Variants in LAMA2 observed in about 807,000 individuals in gnomAD.
LAMA2 encodes laminin subunit alpha-2.
A neutral mutation model predicts 364.8 loss-of-function variants in LAMA2; 269 were observed. The observed-to-expected ratio is 0.74, with a 90% CI of 0.67 to 0.82. The LOEUF is 0.82. Ranked by LOEUF, LAMA2 falls within the 40% of genes least tolerant of loss-of-function variation. The pLI, the probability that LAMA2 is intolerant of heterozygous loss-of-function variation, is 0.00. For synonymous variants in LAMA2, 1,379 were observed against 1,370.6 expected, an observed-to-expected ratio of 1.01 and a Z score of -0.14; for missense variants, 3,807 against 3,873.2, an observed-to-expected ratio of 0.98 and a Z score of 0.45.
At chr6:129,349,679 GAATA>G (rs1776752370) in intron 31 of LAMA2, among the ~76,000 whole-genome samples, 1 of 150,790 alleles carries the variant, frequency 6.6e-6, no homozygotes. Flanking sequence ...CATTTCATAA[GAATA>G]AATCAATTTT....
intron 62 of LAMA2, among the ~76,000 whole-genome samples, chr6:129,508,697 A>T (rs1786313514): frequency 6.6e-6 from 1 of 152,092 alleles, no homozygotes; most frequent in Non-Finnish European, 1.5e-5. Flanking sequence ...AGATGATAGG[A>T]TCTCATTCTT....
At chr6:129,300,233 G>A (rs1773465381) in intron 21 of LAMA2, among the ~76,000 whole-genome samples, 1 of 152,050 alleles carries the variant, frequency 6.6e-6, no homozygotes, top group South Asian at 2.1e-4. Context: ...TTGCAAAATT[G>A]GATTATTCTG....
At chr6:129,175,843 TA>T (rs1220551118) in intron 9 of LAMA2, among the ~76,000 whole-genome samples, 6 of 151,990 alleles carry the variant, frequency 3.9e-5, no homozygotes, top group African/African-American at 9.7e-5. Context: ...AGTATAATAA[TA>T]AAAAAAATTA....
In LAMA2 at chr6:129,456,322, C is replaced by A. The variant is rs375474916; in HGVS notation, c.6708-13C>A. 1 of 1,612,074 alleles carries A rather than the reference C, an allele frequency of 6.2e-7. No homozygotes were observed. On this transcript the variant is annotated splice_polypyrimidine_tract_variant and intron_variant, in intron 47 of 64. Coordinates refer to ENST00000421865, the MANE Select transcript of LAMA2 (RefSeq NM_000426.4). ...TATGTTCCTCCCCTTCACTTCAACA[C>A]GTACCCTTGAAGAACTGGGAGAAAT... is the stretch of plus-strand genomic sequence containing the variant.
At chr6:129,439,753 T>C (rs1175583927) in intron 42 of LAMA2, among the ~76,000 whole-genome samples, 2 of 150,942 alleles carry the variant, frequency 1.3e-5, no homozygotes, top group Non-Finnish European at 3.0e-5. Context: ...TTAATATACT[T>C]ATGTTAAGTG....
intron 1 of LAMA2, among the ~76,000 whole-genome samples, chr6:128,991,755 C>G (rs1045788884): frequency 2.0e-5 from 3 of 152,138 alleles, no homozygotes; most frequent in African/African-American, 7.2e-5. Flanking sequence ...TCTAGGCAAA[C>G]TAACCATTCA....
intron 12 of LAMA2, among the ~76,000 whole-genome samples, chr6:129,208,710 AAAG>A (rs1198913915): frequency 4.8e-5 from 6 of 123,768 alleles, no homozygotes; most frequent in African/African-American, 1.9e-4. Flanking sequence ...GAAGGAAGGA[AAAG>A]GGAGGGAGGG....
chr6:129,234,456 A>T (rs1326145731), intron 12 of LAMA2, among the ~76,000 whole-genome samples: 1 of 152,200 alleles, frequency 6.6e-6, no homozygotes, highest in Non-Finnish European at 1.5e-5. Flanking sequence ...GGATGTTCAA[A>T]GTATAACAAA....
At chr6:129,283,443 ATCT>A (rs1164535084) in intron 18 of LAMA2, among the ~76,000 whole-genome samples, 1 of 151,962 alleles carries the variant, frequency 6.6e-6, no homozygotes, top group East Asian at 1.9e-4. Context: ...AGGCAAGTTC[ATCT>A]GGTGGATTCT....
At chr6:129,490,208 C>A (rs1480487838) in intron 56 of LAMA2, among the ~76,000 whole-genome samples, 2 of 152,170 alleles carry the variant, frequency 1.3e-5, no homozygotes, top group Non-Finnish European at 2.9e-5. Flanking sequence ...TCAGGGCAAT[C>A]CCTTAATTAA....
At chr6:129,486,690 A>C in intron 56 of LAMA2, 68 bp downstream of exon 56, 1 of 1,412,928 alleles carries the variant, frequency 7.1e-7, no homozygotes, top group Non-Finnish European at 1.0e-6. Context: ...ATCGGTATCT[A>C]TCAGTATCTG....
chr6:129,455,653 A>T (rs1782924221), intron 47 of LAMA2, among the ~76,000 whole-genome samples: 7 of 152,192 alleles, frequency 4.6e-5, no homozygotes, highest in Admixed American at 4.6e-4. Context: ...AATCACTTAA[A>T]AAAGAAAATG....
At chr6:128,911,222 GC>G (rs1777916205) in intron 1 of LAMA2, among the ~76,000 whole-genome samples, 2 of 152,128 alleles carry the variant, frequency 1.3e-5, no homozygotes, top group Admixed American at 1.3e-4. Flanking sequence ...AATGGCAGAC[GC>G]CCCTCCCCCA....
intron 1 of LAMA2, among the ~76,000 whole-genome samples, chr6:128,956,120 G>A (rs1216221059): frequency 6.6e-6 from 1 of 151,928 alleles, no homozygotes; most frequent in Non-Finnish European, 1.5e-5. Flanking sequence ...ATGCCATGTG[G>A]TATATGGAGC....
At chr6:129,429,182 C>T (rs901913691) in intron 41 of LAMA2, among the ~76,000 whole-genome samples, 2 of 152,208 alleles carry the variant, frequency 1.3e-5, no homozygotes, top group Non-Finnish European at 2.9e-5. Flanking sequence ...CATGCCCCCT[C>T]TCTGGTATAG....
chr6:129,027,120 T>G (rs1485536760), intron 1 of LAMA2, among the ~76,000 whole-genome samples: 1 of 152,040 alleles, frequency 6.6e-6, no homozygotes, highest in Non-Finnish European at 1.5e-5. Flanking sequence ...ATGAACAAAC[T>G]TTGAGAACAG....
chr6:129,147,051 A>G lies in LAMA2; in HGVS notation c.909+3A>G. 1.3e-6 allele frequency: 2 copies of G among 1,579,360 alleles called. No homozygotes were observed. The highest frequency in any genetic ancestry group is 1.3e-5 in the African/African-American group (1 of 74,268). On this transcript the variant is annotated splice_donor_region_variant and intron_variant, in intron 6 of 64. Coordinates refer to ENST00000421865, the MANE Select transcript of LAMA2 (RefSeq NM_000426.4). ...GTCCACTTGATCCAGCGACAAATGT[A>G]TGTATATTTATAGGATGCTTAGGCA... is the stretch of plus-strand genomic sequence containing the variant.
At chr6:129,431,667 A>T (rs1232424556) in intron 41 of LAMA2, among the ~76,000 whole-genome samples, 1 of 152,140 alleles carries the variant, frequency 6.6e-6, no homozygotes, top group African/African-American at 2.4e-5. Flanking sequence ...TTTATAAACT[A>T]AAAAAAGAAT....
chr6:129,192,876 C>G, intron 12 of LAMA2, 23 bp downstream of exon 12: 1 of 1,609,568 alleles, frequency 6.2e-7, no homozygotes. Flanking sequence ...TTGCTTCCCG[C>G]TATTCTGCTT....
Sources: gnomAD v4.1 joint callset for allele counts (sites outside exome capture counted in the v4.1 genomes callset) on GRCh38, gnomAD v4.1.1 for gene constraint, MANE v1.5 for transcripts, NCBI Gene and HGNC (gene_info 2026-07-23, HGNC 2026-07-21) for gene names.